Variants in GPC6 observed in about 807,000 individuals in gnomAD.
The protein encoded by GPC6 is glypican-6.
Under a neutral mutation model 55.2 loss-of-function variants are expected in GPC6, and 14 were observed. The ratio of observed to expected loss-of-function variants is 0.25; its 90% CI spans 0.17 to 0.40. The LOEUF is 0.40. Among genes scored for constraint, GPC6 ranks in the 10% least tolerant of loss-of-function variants. GPC6 has a pLI of 1.00. For missense variants in GPC6, 641 were observed against 708.5 expected (o/e 0.90, Z 1.08); for synonymous variants, 278 against 259.6 (o/e 1.07, Z -0.68).
intron 1 of GPC6, among the ~76,000 whole-genome samples, chr13:93,330,213 C>G (rs1483550386): frequency 6.6e-6 from 1 of 152,144 alleles, no homozygotes; most frequent in East Asian, 1.9e-4. Context: ...GTAGAGCCTA[C>G]TGTTCATAGT....
chr13:93,244,792 CAA>C (rs139036790), intron 1 of GPC6, among the ~76,000 whole-genome samples: 6,102 of 152,236 alleles, frequency 0.04, 196 homozygotes, highest in East Asian at 0.097. Flanking sequence ...TCACAGTATC[CAA>C]AGTTTCTTTC....
chr13:93,728,039 T>C (rs568977987), intron 2 of GPC6, among the ~76,000 whole-genome samples: 5 of 152,116 alleles, frequency 3.3e-5, no homozygotes, highest in Non-Finnish European at 7.4e-5. Flanking sequence ...TATTTTTGGT[T>C]TTGTTTTTAA....
intron 3 of GPC6, among the ~76,000 whole-genome samples, chr13:93,889,915 A>G (rs1231811562): frequency 6.6e-6 from 1 of 152,114 alleles, no homozygotes; most frequent in Non-Finnish European, 1.5e-5. Flanking sequence ...TTTTGAAGGA[A>G]CCAGTAATGC....
intron 6 of GPC6, among the ~76,000 whole-genome samples, chr13:94,364,564 G>A (rs1879206009): frequency 6.6e-6 from 1 of 152,090 alleles, no homozygotes; most frequent in African/African-American, 2.4e-5. Flanking sequence ...GTAAAATATT[G>A]ATTTTACTTC....
chr13:93,901,772 G>T (rs201169291), intron 3 of GPC6, among the ~76,000 whole-genome samples: 2 of 151,522 alleles, frequency 1.3e-5, no homozygotes, highest in African/African-American at 4.9e-5. Flanking sequence ...GTGGTAGTGC[G>T]TGCCTTTAAT....
intron 2 of GPC6, among the ~76,000 whole-genome samples, chr13:93,753,288 C>G (rs1356405911): frequency 6.6e-6 from 1 of 152,144 alleles, no homozygotes; most frequent in African/African-American, 2.4e-5. Context: ...CAACTAACAA[C>G]ACTGTCAGCT....
At chr13:93,903,517 A>AT (rs928154404) in intron 3 of GPC6, among the ~76,000 whole-genome samples, 7 of 151,940 alleles carry the variant, frequency 4.6e-5, no homozygotes, top group East Asian at 1.9e-4. Context: ...TGTGTTTTGC[A>AT]TTTTTTTTCC....
At chr13:94,187,338 C>A (rs1380961157) in intron 4 of GPC6, 1 of 152,080 alleles carries the variant, frequency 6.6e-6, no homozygotes, top group Admixed American at 6.6e-5. Context: ...TCAAATTGAT[C>A]AAAGCAGAAA....
At chr13:93,596,726 G>A (rs1877759213) in intron 2 of GPC6, among the ~76,000 whole-genome samples, 1 of 147,444 alleles carries the variant, frequency 6.8e-6, no homozygotes, top group African/African-American at 2.5e-5. Context: ...ACATATATAA[G>A]TGTATATGCA....
chr13:93,963,889 G>A (rs1879900019), intron 3 of GPC6, among the ~76,000 whole-genome samples: 1 of 152,138 alleles, frequency 6.6e-6, no homozygotes, highest in Non-Finnish European at 1.5e-5. Flanking sequence ...CAGCCCTTTG[G>A]TACCATTCTG....
chr13:94,307,750 G>A (rs536280002), intron 6 of GPC6, among the ~76,000 whole-genome samples: 21 of 152,110 alleles, frequency 1.4e-4, no homozygotes, highest in Admixed American at 7.2e-4. Flanking sequence ...AGATTATATT[G>A]TTTAAATTTT....
chr13:94,288,760 TA>T (rs1874693199), intron 5 of GPC6, among the ~76,000 whole-genome samples: 1 of 114,082 alleles, frequency 8.8e-6, no homozygotes, highest in South Asian at 2.6e-4. Context: ...ATATATATAA[TA>T]AATATATATA....
chr13:93,826,700 C>T (rs753451730), intron 2 of GPC6, among the ~76,000 whole-genome samples: 4 of 152,070 alleles, frequency 2.6e-5, no homozygotes, highest in Non-Finnish European at 5.9e-5. Context: ...TTTTTCTGTG[C>T]TTCCCCTTGT....
chr13:93,979,630 T>C (rs1201982289), intron 3 of GPC6, among the ~76,000 whole-genome samples: 1 of 152,108 alleles, frequency 6.6e-6, no homozygotes, highest in African/African-American at 2.4e-5. Context: ...AGCATTCAAA[T>C]GTGGAGTCAG....
chr13:93,754,352 A>G (rs540461258), intron 2 of GPC6, among the ~76,000 whole-genome samples: 5 of 152,164 alleles, frequency 3.3e-5, no homozygotes, highest in Non-Finnish European at 7.4e-5. Context: ...CTCTTTTCCT[A>G]CTTACAGGTA....
At chr13:93,671,572 C>G (rs1486261403) in intron 2 of GPC6, among the ~76,000 whole-genome samples, 1 of 151,894 alleles carries the variant, frequency 6.6e-6, no homozygotes, top group Admixed American at 6.6e-5. Flanking sequence ...CACCAGGAAG[C>G]CTCTGTTTGT....
chr13:93,581,103 A>G (rs1876915969), intron 2 of GPC6, among the ~76,000 whole-genome samples: 1 of 152,182 alleles, frequency 6.6e-6, no homozygotes, highest in Admixed American at 6.5e-5. Context: ...TCTAAAAGAC[A>G]TTTTGCAAGA....
chr13:93,476,635 T>C lies in GPC6; in HGVS notation c.161-68628T>C, dbSNP rs185542461. 3.7e-3 allele frequency among the ~76,000 whole-genome samples: 566 copies of C among 152,320 alleles called. 2 individuals carry two copies. The highest frequency in any genetic ancestry group is 6.4e-3 in the Non-Finnish European group (436 of 68,024). ...TAAGTGCTTTTCCAAACTTTCACAT[T>C]TCTATCACTAAATAGCTAACATGTA... is the stretch of plus-strand genomic sequence containing the variant. On this transcript the variant is annotated intron_variant, in intron 1 of 8. Transcript: ENST00000377047.
At chr13:93,497,119 C>T (rs576897697) in intron 1 of GPC6, among the ~76,000 whole-genome samples, 1 of 152,262 alleles carries the variant, frequency 6.6e-6, no homozygotes, top group South Asian at 2.1e-4. Context: ...GTCTGCATCA[C>T]TTTAGGAGTA....
Sources: gnomAD v4.1 joint callset for allele counts (sites outside exome capture counted in the v4.1 genomes callset) on GRCh38, gnomAD v4.1.1 for gene constraint, MANE v1.5 for transcripts, NCBI Gene and HGNC (gene_info 2026-07-23, HGNC 2026-07-21) for gene names.